The following ANTXR2 variants were observed in gnomAD, a reference collection of about 807,000 sequenced individuals.
ANTXR2 encodes anthrax toxin receptor 2.
A neutral mutation model predicts 73.7 loss-of-function variants in ANTXR2; 44 were observed. The observed-to-expected ratio is 0.60, with a 90% CI of 0.47 to 0.77. The LOEUF (loss-of-function observed/expected upper bound fraction) is 0.77. ANTXR2 is among the 30% of genes least tolerant of loss of function. ANTXR2 has a pLI of 0.00. For missense variants in ANTXR2, 604 were observed against 592.5 expected, an observed-to-expected ratio of 1.02 and a Z score of -0.20; for synonymous variants, 217 against 205.9, an observed-to-expected ratio of 1.05 and a Z score of -0.46.
chr4:80,072,902 T>A lies in ANTXR2; in HGVS notation c.-342A>T. 3.7e-6 allele frequency: 1 copy of A among 272,190 alleles called. No homozygotes were observed. The highest frequency in any genetic ancestry group is 6.2e-6 in the Non-Finnish European group (1 of 160,486). 16.9% of individuals were successfully genotyped at this position (272,190 alleles called of 1,614,324 possible). A position where few individuals can be genotyped will look rare whatever the true frequency, so the allele number is the denominator to read the frequency against. On this transcript the variant is annotated 5_prime_UTR_variant, in exon 1 of 17. Transcript: ENST00000403729. ...TCGCGAAAGGAGTTCCTCTCCGGCC[T>A]GGGGCCGAGCCTCCAGCGCCCGCCT...
At chr4:79,997,482 G>A (rs1730784477) in intron 12 of ANTXR2, among the ~76,000 whole-genome samples, 2 of 151,846 alleles carry the variant, frequency 1.3e-5, no homozygotes, top group Admixed American at 6.6e-5. Flanking sequence ...GATCAGAGAG[G>A]AAGTAAAATG....
intron 16 of ANTXR2, among the ~76,000 whole-genome samples, chr4:79,955,607 A>G (rs1226364793): frequency 6.6e-6 from 1 of 152,170 alleles, no homozygotes; most frequent in African/African-American, 2.4e-5. Flanking sequence ...TGAGCATAGG[A>G]AAAATATCAT....
rs912899755 is a variant in ANTXR2 at position 79,955,024 on chromosome 4, C to T, written c.1428+22597G>A. Among the ~76,000 whole-genome samples, 8 of 152,206 alleles carry T rather than the reference C, an allele frequency of 5.3e-5. No individual in the cohort carries two copies. In the South Asian group the frequency reaches 1.0e-3, roughly 20 times the overall value. On this transcript the variant is annotated intron_variant, in intron 16 of 16. Transcript: ENST00000403729. ...ACAAGAACACATTAGTACTCATTTG[C>T]TTATAACAGTATTAAATGATAGCTT...
Position 79,902,178 on chromosome 4 carries a change from A to G in ANTXR2, c.*5251T>C, listed in dbSNP as rs1351074609. 5 of 152,226 alleles carry G rather than the reference A, an allele frequency of 3.3e-5. No individual in the cohort carries two copies. The East Asian group carries it at 9.6e-4, about 29-fold the overall frequency. 9.4% of individuals were successfully genotyped at this position (152,226 alleles called of 1,614,324 possible). On this transcript the variant is annotated 3_prime_UTR_variant, in exon 17 of 17. Transcript: ENST00000403729. Reference sequence around the variant, plus strand: ...GTTGTAAATATAATTCATCTAAGATACAAATAACTTCATGGCAATTAGGAA... The same window carrying G: ...GTTGTAAATATAATTCATCTAAGATGCAAATAACTTCATGGCAATTAGGAA...
At chr4:79,947,417 G>A (rs1334773677) in intron 16 of ANTXR2, among the ~76,000 whole-genome samples, 1 of 152,024 alleles carries the variant, frequency 6.6e-6, no homozygotes, top group Non-Finnish European at 1.5e-5. Context: ...CATATTTTAA[G>A]TGCTACAAAG....
In ANTXR2 at chr4:79,908,232, C is replaced by A. The variant is rs142272781; in HGVS notation, c.1429-765G>T. On this transcript the variant is annotated intron_variant, in intron 16 of 16. Transcript: ENST00000403729. ...GATCCACTGTACCACCTAAATCATT[C>A]CCAGATTCCTCAACCAGCCAAAAGC... Among the ~76,000 whole-genome samples, 162 of 152,254 alleles carry A rather than the reference C, an allele frequency of 1.1e-3. 2 individuals are homozygous for A. The highest frequency in any genetic ancestry group is 3.7e-3 in the African/African-American group (155 of 41,548).
intron 12 of ANTXR2, among the ~76,000 whole-genome samples, chr4:80,003,248 C>T (rs1362214894): frequency 6.6e-6 from 1 of 151,798 alleles, no homozygotes; most frequent in Non-Finnish European, 1.5e-5. Flanking sequence ...ATGATGAGTT[C>T]ATGTCCTTTG....
rs180970442 is a variant in ANTXR2 at position 79,955,464 on chromosome 4, A to T, written c.1428+22157T>A. Among the ~76,000 whole-genome samples the T allele has an allele frequency of 2.3e-3, 287 of 125,858 alleles. 1 individual carries two copies. Among genetic ancestry groups the T allele is most frequent in the African/African-American group, 7.9e-3 (273 of 34,688 alleles). The allele number at this position is 125,858 out of a possible 152,430, so 82.6% of individuals were successfully genotyped here. ...TGGCCTCATGAAATGTCTATATACT[A>T]AAAAAAGTATGAATTAATTTAAACA... On this transcript the variant is annotated intron_variant, in intron 16 of 16. Transcript: ENST00000403729.
At chr4:79,949,066 G>C (rs1353819969) in intron 16 of ANTXR2, among the ~76,000 whole-genome samples, 3 of 152,026 alleles carry the variant, frequency 2.0e-5, no homozygotes, top group African/African-American at 4.8e-5. Context: ...ATAAATGTCT[G>C]GCTATTATTA....
chr4:79,985,838 C>CTT lies in ANTXR2; in HGVS notation c.1042-977_1042-976dup, dbSNP rs572381265. On this transcript the variant is annotated intron_variant, in intron 12 of 16. Transcript: ENST00000403729. ...CTCATGAAATCTTTCACAGTTAATT[C>CTT]TTTTTTTTTTTTTTTTTTTTGAGAC... Among the ~76,000 whole-genome samples the CTT allele has an allele frequency of 3.5e-3, 396 of 111,654 alleles. 11 individuals are homozygous for CTT. In the South Asian group the frequency reaches 0.039, roughly 11 times the overall value. The allele number at this position is 111,654 out of a possible 152,430, so 73.2% of individuals were successfully genotyped here. A position where few individuals can be genotyped will look rare whatever the true frequency, so the allele number is the denominator to read the frequency against.
chr4:80,010,588 T>G (rs1272732272), intron 11 of ANTXR2, among the ~76,000 whole-genome samples: 1 of 152,192 alleles, frequency 6.6e-6, no homozygotes, highest in Non-Finnish European at 1.5e-5. Flanking sequence ...AATAAGGACA[T>G]GCAACTAGAG....
intron 12 of ANTXR2, among the ~76,000 whole-genome samples, chr4:79,985,935 G>C (rs778784391): frequency 6.7e-6 from 1 of 148,628 alleles, no homozygotes; most frequent in Non-Finnish European, 1.5e-5. Flanking sequence ...TCCACCTCCC[G>C]GGTTCAAGCG....
chr4:80,034,156 G>T (rs1490457158), intron 8 of ANTXR2, among the ~76,000 whole-genome samples: 1 of 151,740 alleles, frequency 6.6e-6, no homozygotes, highest in Non-Finnish European at 1.5e-5. Context: ...ACTAATAATC[G>T]ATGGCCAGTC....
At chr4:79,995,802 T>A (rs1221097462) in intron 12 of ANTXR2, among the ~76,000 whole-genome samples, 2 of 151,994 alleles carry the variant, frequency 1.3e-5, no homozygotes, top group African/African-American at 4.8e-5. Context: ...AAGTATATTT[T>A]CTACATTGTT....
chr4:79,979,333 G>A (rs904364453), intron 14 of ANTXR2, among the ~76,000 whole-genome samples: 1 of 151,770 alleles, frequency 6.6e-6, no homozygotes, highest in South Asian at 2.1e-4. Flanking sequence ...GAGGAGTGAA[G>A]CTCTAAAAAC....
At chr4:79,990,743 C>T (rs1167955727) in intron 12 of ANTXR2, among the ~76,000 whole-genome samples, 1 of 151,954 alleles carries the variant, frequency 6.6e-6, no homozygotes, top group Non-Finnish European at 1.5e-5. Context: ...TGCTACAAGG[C>T]TAGAGTACAC....
At chr4:79,972,977 G>A (rs1479234093) in intron 16 of ANTXR2, among the ~76,000 whole-genome samples, 3 of 148,098 alleles carry the variant, frequency 2.0e-5, no homozygotes, top group Non-Finnish European at 3.0e-5. Context: ...TTCACAAGAA[G>A]CCAACTGAAA....
rs970815979 is a variant in ANTXR2 at position 79,928,975 on chromosome 4, A to G, written c.1429-21508T>C. ...CCAAGAGAATGGTTAACAGAGTCCAACAAAATCTTAGCTCTATGTAATAAT... is the reference window on the plus strand; with the variant it reads ...CCAAGAGAATGGTTAACAGAGTCCAGCAAAATCTTAGCTCTATGTAATAAT... On this transcript the variant is annotated intron_variant, in intron 16 of 16. Transcript: ENST00000403729. Among the ~76,000 whole-genome samples, 4 of 152,318 alleles carry G rather than the reference A, an allele frequency of 2.6e-5. No homozygotes were observed. In the East Asian group the frequency reaches 7.7e-4, roughly 29 times the overall value.
intron 12 of ANTXR2, among the ~76,000 whole-genome samples, chr4:79,991,119 A>C (rs1730446501): frequency 6.6e-6 from 1 of 152,178 alleles, no homozygotes; most frequent in Admixed American, 6.6e-5. Context: ...ATTAAACTAA[A>C]GAGCTTCTGC....
Sources: allele counts gnomAD v4.1 joint callset (sites outside exome capture counted in the v4.1 genomes callset), GRCh38; gene constraint gnomAD v4.1.1; transcripts MANE v1.5; gene names NCBI Gene and HGNC (gene_info 2026-07-23, HGNC 2026-07-21).